The following MYLK variants were observed in gnomAD, a reference collection of about 807,000 sequenced individuals.
The protein encoded by MYLK is myosin light chain kinase, smooth muscle.
MYLK carries 106 observed loss-of-function variants against 203.4 expected under a neutral mutation model. The observed-to-expected ratio is 0.52, with a 90% CI of 0.45 to 0.61. The LOEUF (loss-of-function observed/expected upper bound fraction) is 0.61, where lower values mean the gene tolerates loss of function less well. Among genes scored for constraint, MYLK ranks in the 20% least tolerant of loss-of-function variants. The pLI is 0.00. For missense variants in MYLK, 2,072 were observed against 2,442.3 expected, an observed-to-expected ratio of 0.85 and a Z score of 3.20; for synonymous variants, 867 against 959.5, an observed-to-expected ratio of 0.90 and a Z score of 1.78.
chr3:123,714,437 C>T (rs982162089), intron 13 of MYLK, among the ~76,000 whole-genome samples: 6 of 152,164 alleles, frequency 3.9e-5, no homozygotes, highest in Non-Finnish European at 8.8e-5. Flanking sequence ...TAGCATCATC[C>T]TGGTTTAAGG....
intron 23 of MYLK, among the ~76,000 whole-genome samples, chr3:123,661,646 G>A (rs1314742545): frequency 1.3e-5 from 2 of 152,210 alleles, no homozygotes; most frequent in Non-Finnish European, 2.9e-5. Flanking sequence ...AGGGAAAAGA[G>A]GGGACATGGG....
At chr3:123,853,376 C>T (rs1009265482) in intron 2 of MYLK, among the ~76,000 whole-genome samples, 2 of 152,006 alleles carry the variant, frequency 1.3e-5, no homozygotes, top group African/African-American at 2.4e-5. Context: ...AGGGGGAGAA[C>T]CAAGATACTA....
chr3:123,685,975 G>A (rs2060439921), intron 19 of MYLK, among the ~76,000 whole-genome samples: 1 of 152,184 alleles, frequency 6.6e-6, no homozygotes, highest in African/African-American at 2.4e-5. Context: ...CAGCACGGTG[G>A]GGCTGTGCAT....
intron 20 of MYLK, among the ~76,000 whole-genome samples, chr3:123,669,931 C>T (rs755674806): frequency 3.4e-5 from 5 of 146,870 alleles, no homozygotes; most frequent in Admixed American, 2.1e-4. Flanking sequence ...GCTACTCAGG[C>T]GGCTGAGGCA....
intron 31 of MYLK, chr3:123,621,972 C>T (rs1049924759): frequency 1.3e-5 from 2 of 152,312 alleles, no homozygotes; most frequent in South Asian, 2.1e-4. Flanking sequence ...GGCCACGTGG[C>T]AACCTTTCAT....
At chr3:123,681,184 T>C (rs1385505053) in intron 20 of MYLK, 2 of 152,178 alleles carry the variant, frequency 1.3e-5, no homozygotes, top group African/African-American at 4.8e-5. Context: ...ATTACAGCAT[T>C]TGGCAGGCCT....
At chr3:123,824,167 G>A (rs906796994) in intron 3 of MYLK, among the ~76,000 whole-genome samples, 1 of 150,916 alleles carries the variant, frequency 6.6e-6, no homozygotes, top group Non-Finnish European at 1.5e-5. Flanking sequence ...TCAGCTCGCC[G>A]CAACCTCTGC....
chr3:123,688,106 G>GCCTCTCT (rs2060527328), intron 19 of MYLK, among the ~76,000 whole-genome samples: 1 of 151,572 alleles, frequency 6.6e-6, no homozygotes, highest in Non-Finnish European at 1.5e-5. Context: ...TCCTGCCCCT[G>GCCTCTCT]CCTCTCTCTC....
At chr3:123,730,606 C>T (rs551396316) in intron 11 of MYLK, among the ~76,000 whole-genome samples, 2 of 152,202 alleles carry the variant, frequency 1.3e-5, no homozygotes, top group Non-Finnish European at 2.9e-5. Context: ...CCTGCTACAA[C>T]ACAGATGAAC....
At chr3:123,638,753 C>T in intron 28 of MYLK, 1 of 985,386 alleles carries the variant, frequency 1.0e-6, no homozygotes, top group Non-Finnish European at 1.2e-6. Context: ...CCTGCCTCTC[C>T]TACTCCTCAC....
At chr3:123,646,554 C>T (rs1347270829) in intron 27 of MYLK, among the ~76,000 whole-genome samples, 4 of 152,190 alleles carry the variant, frequency 2.6e-5, no homozygotes, top group Non-Finnish European at 4.4e-5. Flanking sequence ...TGTGTACACG[C>T]ATGCACCAAC....
intron 5 of MYLK, among the ~76,000 whole-genome samples, 177 bp downstream of exon 5, chr3:123,752,154 C>T (rs1232532457): frequency 6.6e-6 from 1 of 152,082 alleles, no homozygotes. Flanking sequence ...GGATGCCTCC[C>T]TTGTTCGCAG....
At chr3:123,715,082 C>T (rs571083334) in intron 13 of MYLK, among the ~76,000 whole-genome samples, 39 of 152,306 alleles carry the variant, frequency 2.6e-4, no homozygotes, top group African/African-American at 6.5e-4. Context: ...GACAGATATA[C>T]GCACTCTCCC....
In MYLK at chr3:123,640,919, T is replaced by G. The variant is rs781314418; in HGVS notation, c.4620-415A>C. On this transcript the variant is annotated intron_variant, in intron 27 of 33. Transcript: ENST00000360304. The surrounding 1 kb of genome is among the most constrained non-coding windows in gnomAD (Gnocchi z 4.3). Reference sequence around the variant, plus strand: ...CACAGGGAACTCAAGTTCAAAATACTCACAGTTCCCACAAGCATTTGTTCT... The same window carrying G: ...CACAGGGAACTCAAGTTCAAAATACGCACAGTTCCCACAAGCATTTGTTCT... Among the ~76,000 whole-genome samples, 8 of 152,190 alleles carry G rather than the reference T, an allele frequency of 5.3e-5. No homozygotes were observed. Among genetic ancestry groups the G allele is most frequent in the Admixed American group, 2.0e-4 (3 of 15,284 alleles).
intron 4 of MYLK, among the ~76,000 whole-genome samples, chr3:123,776,473 T>G (rs899074439): frequency 6.6e-6 from 1 of 152,186 alleles, no homozygotes; most frequent in African/African-American, 2.4e-5. Flanking sequence ...AAAAACTTCA[T>G]GTATAAAGAT....
At chr3:123,738,765 C>A in intron 7 of MYLK, 132 bp downstream of exon 7, 1 of 1,265,626 alleles carries the variant, frequency 7.9e-7, no homozygotes. Context: ...TGAGGCCTCC[C>A]CAGCCATGTG....
chr3:123,726,673 G>C (rs187156331), intron 11 of MYLK, among the ~76,000 whole-genome samples: 6 of 152,292 alleles, frequency 3.9e-5, no homozygotes, highest in Admixed American at 6.5e-5. Flanking sequence ...AGCTGCCGGG[G>C]ACCTGGGAAT....
chr3:123,640,929 C>T lies in MYLK; in HGVS notation c.4620-425G>A, dbSNP rs1298830109. 6.6e-6 allele frequency among the ~76,000 whole-genome samples: 1 copy of T among 152,230 alleles called. No individual in the cohort carries two copies. Among genetic ancestry groups the T allele is most frequent in the East Asian group, 1.9e-4 (1 of 5,208 alleles). On this transcript the variant is annotated intron_variant, in intron 27 of 33. Transcript: ENST00000360304. This position sits in a 1 kb window ranked among gnomAD's most constrained non-coding sequence, Gnocchi z 4.3. ...TCAAGTTCAAAATACTCACAGTTCC[C>T]ACAAGCATTTGTTCTGCATAGCCAG...
Position 123,640,273 on chromosome 3 carries a change from C to T in MYLK, c.4837+14G>A. 4 of 1,613,242 alleles carry T rather than the reference C, an allele frequency of 2.5e-6. No individual in the cohort carries two copies. Among genetic ancestry groups the T allele is most frequent in the Non-Finnish European group, 3.4e-6 (4 of 1,179,396 alleles). Reference sequence around the variant, plus strand: ...TACACACTGGTGTCCATGGGAGAGGCAGATGAGCCTTACCCAGCCTCCTGG... The same window carrying T: ...TACACACTGGTGTCCATGGGAGAGGTAGATGAGCCTTACCCAGCCTCCTGG... On this transcript the variant is annotated intron_variant, in intron 28 of 33. Coordinates refer to ENST00000360304, the MANE Select transcript of MYLK (RefSeq NM_053025.4). This position sits in a 1 kb window ranked among gnomAD's most constrained non-coding sequence, Gnocchi z 4.3.
Sources: allele counts gnomAD v4.1 joint callset (sites outside exome capture counted in the v4.1 genomes callset), GRCh38; gene constraint gnomAD v4.1.1; non-coding constraint Gnocchi (gnomAD v3.1); transcripts MANE v1.5; gene names NCBI Gene and HGNC (gene_info 2026-07-23, HGNC 2026-07-21).